The following DNER variants were observed in gnomAD, a reference collection of about 807,000 sequenced individuals.
The protein encoded by DNER is delta and Notch-like epidermal growth factor-related receptor.
DNER carries 33 observed loss-of-function variants against 78.2 expected under a neutral mutation model. The ratio of observed to expected loss-of-function variants is 0.42; its 90% CI spans 0.32 to 0.56. The LOEUF (loss-of-function observed/expected upper bound fraction) is 0.56. Among genes scored for constraint, DNER ranks in the 20% least tolerant of loss-of-function variants. The pLI is 0.11. For synonymous variants in DNER, 417 were observed against 384.8 expected, an observed-to-expected ratio of 1.08 and a Z score of -0.98; for missense variants, 918 against 975.3, an observed-to-expected ratio of 0.94 and a Z score of 0.78.
chr2:229,650,072 CAAAA>C (rs34030074), intron 1 of DNER, among the ~76,000 whole-genome samples: 3 of 93,138 alleles, frequency 3.2e-5, no homozygotes, highest in Non-Finnish European at 2.3e-5. Flanking sequence ...AAGACTCCGT[CAAAA>C]AAAAAAAAAA....
intron 4 of DNER, among the ~76,000 whole-genome samples, chr2:229,548,524 T>C (rs28616295): frequency 0.029 from 4,464 of 152,072 alleles, 194 homozygotes; most frequent in African/African-American, 0.094. Flanking sequence ...TTCTCACTTA[T>C]AGGTGAGAGT....
chr2:229,642,578 G>C (rs1698645599), intron 1 of DNER, among the ~76,000 whole-genome samples: 1 of 152,204 alleles, frequency 6.6e-6, no homozygotes, highest in Non-Finnish European at 1.5e-5. Context: ...GACCAGAGAG[G>C]AACAAGAGAA....
chr2:229,448,198 A>G (rs2106362605), intron 7 of DNER, among the ~76,000 whole-genome samples: 1 of 152,268 alleles, frequency 6.6e-6, no homozygotes, highest in East Asian at 1.9e-4. Context: ...AAAAAAAAAT[A>G]AGTACTGACA....
chr2:229,699,989 A>G (rs1699717791), intron 1 of DNER, among the ~76,000 whole-genome samples: 1 of 152,184 alleles, frequency 6.6e-6, no homozygotes, highest in African/African-American at 2.4e-5. Context: ...TCCCTCATTA[A>G]CAACAAGCCA....
At chr2:229,420,990 A>G (rs1693752462) in intron 8 of DNER, among the ~76,000 whole-genome samples, 1 of 152,246 alleles carries the variant, frequency 6.6e-6, no homozygotes, top group African/African-American at 2.4e-5. Flanking sequence ...AGCATTATTC[A>G]CAATAACCAA....
intron 6 of DNER, among the ~76,000 whole-genome samples, chr2:229,481,072 T>C (rs973554533): frequency 2.0e-5 from 3 of 152,162 alleles, no homozygotes; most frequent in Non-Finnish European, 4.4e-5. Flanking sequence ...CTACTGGCAA[T>C]AACCAGCTAT....
chr2:229,446,317 A>G (rs1218299576), intron 8 of DNER, among the ~76,000 whole-genome samples: 1 of 152,252 alleles, frequency 6.6e-6, no homozygotes, highest in Non-Finnish European at 1.5e-5. Context: ...AGAGACACAT[A>G]CAAGGATAAT....
chr2:229,493,458 T>C (rs2154211759), intron 6 of DNER, among the ~76,000 whole-genome samples: 1 of 152,344 alleles, frequency 6.6e-6, no homozygotes, highest in Non-Finnish European at 1.5e-5. Flanking sequence ...GTGTGTTTAC[T>C]ATGTACAAGG....
intron 1 of DNER, among the ~76,000 whole-genome samples, chr2:229,645,856 T>C (rs1290147317): frequency 6.6e-6 from 1 of 152,220 alleles, no homozygotes; most frequent in Non-Finnish European, 1.5e-5. Flanking sequence ...GGAGCATTCC[T>C]GAGCCCAGGT....
intron 1 of DNER, among the ~76,000 whole-genome samples, chr2:229,649,659 T>TG (rs1698776911): frequency 1.3e-5 from 2 of 152,146 alleles, no homozygotes; most frequent in Non-Finnish European, 2.9e-5. Context: ...CAAGGAGGGT[T>TG]TTGTATTTAT....
intron 8 of DNER, among the ~76,000 whole-genome samples, chr2:229,427,103 C>T (rs1470991176): frequency 6.6e-6 from 1 of 152,190 alleles, no homozygotes; most frequent in Admixed American, 6.5e-5. Flanking sequence ...ATTGAAAGGA[C>T]TAAAGACAGA....
intron 7 of DNER, among the ~76,000 whole-genome samples, chr2:229,465,721 A>G (rs1694790788): frequency 6.6e-6 from 1 of 152,190 alleles, no homozygotes; most frequent in South Asian, 2.1e-4. Flanking sequence ...AAAAGAAGAA[A>G]TTAGGTTGGA....
At chr2:229,397,940 C>T (rs941042410) in intron 10 of DNER, among the ~76,000 whole-genome samples, 1 of 152,000 alleles carries the variant, frequency 6.6e-6, no homozygotes, top group African/African-American at 2.4e-5. Context: ...TATATCAATA[C>T]TCTAAGATCT....
At chr2:229,503,111 G>T (rs960373486) in intron 6 of DNER, among the ~76,000 whole-genome samples, 6 of 152,156 alleles carry the variant, frequency 3.9e-5, no homozygotes, top group African/African-American at 1.4e-4. Flanking sequence ...TGGAAGCAGG[G>T]ATGATTTCTA....
chr2:229,445,044 T>G (rs1324255306), intron 8 of DNER, among the ~76,000 whole-genome samples: 1 of 152,200 alleles, frequency 6.6e-6, no homozygotes, highest in Non-Finnish European at 1.5e-5. Flanking sequence ...TTGTTCAGAA[T>G]GCTGCTGAGG....
intron 5 of DNER, among the ~76,000 whole-genome samples, chr2:229,545,818 G>A (rs1031934098): frequency 4.6e-5 from 7 of 152,132 alleles, no homozygotes; most frequent in African/African-American, 1.7e-4. Flanking sequence ...AAGTTAATGT[G>A]TCATCTCATC....
At chr2:229,528,108 C>T (rs1696240082) in intron 5 of DNER, among the ~76,000 whole-genome samples, 2 of 152,184 alleles carry the variant, frequency 1.3e-5, no homozygotes, top group South Asian at 4.1e-4. Context: ...AAGATTAGAA[C>T]TCCAAGAGGG....
At chr2:229,713,684 C>T (rs73097244) in intron 1 of DNER, among the ~76,000 whole-genome samples, 22,662 of 152,284 alleles carry the variant, frequency 0.15, 1,839 homozygotes, top group African/African-American at 0.21. Context: ...CCACCATCAC[C>T]TGCCTCCCAC....
chr2:229,418,776 C>A (rs1055481876), intron 8 of DNER, among the ~76,000 whole-genome samples: 1 of 151,988 alleles, frequency 6.6e-6, no homozygotes, highest in African/African-American at 2.4e-5. Context: ...AAAAAATTAG[C>A]CAGGCGTGGT....
Sources: gnomAD v4.1 joint callset for allele counts (sites outside exome capture counted in the v4.1 genomes callset) on GRCh38, gnomAD v4.1.1 for gene constraint, MANE v1.5 for transcripts, NCBI Gene and HGNC (gene_info 2026-07-23, HGNC 2026-07-21) for gene names.